The following RPTOR variants were observed in gnomAD, a reference collection of about 807,000 sequenced individuals.
RPTOR encodes the protein regulatory associated protein of MTOR complex 1.
Under a neutral mutation model 169.9 loss-of-function variants are expected in RPTOR, and 21 were observed. The observed-to-expected ratio is 0.12, with a 90% CI of 0.09 to 0.18. RPTOR has a LOEUF of 0.18. Among genes scored for constraint, RPTOR ranks in the 10% least tolerant of loss-of-function variants. The probability of loss-of-function intolerance (pLI) is 1.00; values close to 1 mark genes in which losing one functional copy is unlikely to be tolerated. For synonymous variants in RPTOR, 732 were observed against 753.2 expected, an observed-to-expected ratio of 0.97 and a Z score of 0.46; for missense variants, 1,133 against 1,855.9, an observed-to-expected ratio of 0.61 and a Z score of 7.16.
chr17:80,813,499 T>A (rs967346407), intron 7 of RPTOR, among the ~76,000 whole-genome samples: 1 of 152,216 alleles, frequency 6.6e-6, no homozygotes, highest in Non-Finnish European at 1.5e-5. Context: ...CTCATCACGC[T>A]TTTGCACCTG....
rs770429748 is a variant in RPTOR at position 80,822,294 on chromosome 17, C to G, written c.984C>G (p.Leu328=). ...AITDTIAWNV[L]PRDLFQKLFR... Reference sequence around the variant, plus strand: ...CAGACACCATCGCGTGGAACGTGCTCCCCCGGGGTGAGGCGCGGGCCGGGC... The same window carrying G: ...CAGACACCATCGCGTGGAACGTGCTGCCCCGGGGTGAGGCGCGGGCCGGGC... The change falls in exon 8 of 34, where the codon CTC becomes CTG. Residue 328 remains leucine, a synonymous_variant. Transcript: ENST00000306801. 3 of 1,613,972 alleles carry G rather than the reference C, an allele frequency of 1.9e-6. No homozygotes were observed. Among genetic ancestry groups the G allele is most frequent in the Non-Finnish European group, 2.5e-6 (3 of 1,179,904 alleles).
At chr17:80,766,087 G>A (rs1319901776) in intron 6 of RPTOR, among the ~76,000 whole-genome samples, 2 of 152,062 alleles carry the variant, frequency 1.3e-5, no homozygotes, top group East Asian at 3.9e-4. Flanking sequence ...ACGTGATCTT[G>A]CTTTGTCACC....
chr17:80,937,791 T>C (rs1342279625), intron 24 of RPTOR, among the ~76,000 whole-genome samples: 1 of 152,204 alleles, frequency 6.6e-6, no homozygotes, highest in African/African-American at 2.4e-5. Context: ...CACATCCTAG[T>C]TTCCCAGGGT....
intron 8 of RPTOR, among the ~76,000 whole-genome samples, chr17:80,822,693 ATGTGCACTGTG>A (rs982034553): frequency 2.0e-5 from 3 of 152,136 alleles, no homozygotes; most frequent in Admixed American, 6.5e-5. Context: ...ATGTACGTAT[ATGTGCACTGTG>A]TGTGTACATG....
chr17:80,566,015 G>A (rs906990142), intron 1 of RPTOR, among the ~76,000 whole-genome samples: 7 of 152,216 alleles, frequency 4.6e-5, no homozygotes, highest in African/African-American at 1.4e-4. Context: ...AACTTTGATG[G>A]ACTTGAAGAA....
At chr17:80,817,395 G>A (rs1479712142) in intron 7 of RPTOR, among the ~76,000 whole-genome samples, 2 of 152,046 alleles carry the variant, frequency 1.3e-5, no homozygotes, top group East Asian at 1.9e-4. Flanking sequence ...GCAGTGAGGC[G>A]GCCACCCCAT....
In RPTOR at chr17:80,695,222, C is replaced by A. The variant is rs966517967; in HGVS notation, c.349-12619C>A. Among the ~76,000 whole-genome samples, 1 of 152,154 alleles carries A rather than the reference C, an allele frequency of 6.6e-6. No individual in the cohort carries two copies. The highest frequency in any genetic ancestry group is 1.5e-5 in the Non-Finnish European group (1 of 68,032). ...AGAGGCTGCCCCGACCCGTGCTGTGCGGGTCACTCACCCCCACATTGTCTG... is the reference window on the plus strand; with the variant it reads ...AGAGGCTGCCCCGACCCGTGCTGTGAGGGTCACTCACCCCCACATTGTCTG... On this transcript the variant is annotated intron_variant, in intron 3 of 33. Transcript: ENST00000306801. This position sits in a 1 kb window ranked among gnomAD's most constrained non-coding sequence, Gnocchi z 4.9.
At chr17:80,567,950 C>T (rs1374515552) in intron 1 of RPTOR, among the ~76,000 whole-genome samples, 2 of 151,252 alleles carry the variant, frequency 1.3e-5, no homozygotes, top group African/African-American at 4.9e-5. Context: ...TCTGTTGCTT[C>T]GTCTGGAGTG....
intron 6 of RPTOR, among the ~76,000 whole-genome samples, chr17:80,778,907 G>A (rs942503036): frequency 7.2e-5 from 11 of 152,192 alleles, no homozygotes; most frequent in Admixed American, 3.3e-4. Context: ...TGGCCGCGGC[G>A]CCTGCGAATG....
At chr17:80,834,477 C>T (rs574569442) in intron 9 of RPTOR, among the ~76,000 whole-genome samples, 1 of 152,190 alleles carries the variant, frequency 6.6e-6, no homozygotes, top group South Asian at 2.1e-4. Context: ...TCCTGAGCCT[C>T]TGTGCATCAG....
intron 12 of RPTOR, 29 bp from the exon 13 acceptor site, chr17:80,857,761 G>A (rs1454507567): frequency 1.3e-6 from 2 of 1,551,144 alleles, no homozygotes; most frequent in South Asian, 1.1e-5. Context: ...CTGCGGCACA[G>A]GTGCGCTGAC....
At chr17:80,867,508 G>T (rs897257006) in intron 13 of RPTOR, among the ~76,000 whole-genome samples, 1 of 152,148 alleles carries the variant, frequency 6.6e-6, no homozygotes, top group Non-Finnish European at 1.5e-5. Flanking sequence ...CACATCCCTT[G>T]ACATTGTACT....
intron 1 of RPTOR, among the ~76,000 whole-genome samples, chr17:80,612,555 C>T (rs1260519324): frequency 1.3e-5 from 2 of 152,266 alleles, no homozygotes; most frequent in Non-Finnish European, 2.9e-5. Context: ...TTCTGATTTT[C>T]AGCCTTTGCT....
intron 1 of RPTOR, among the ~76,000 whole-genome samples, chr17:80,566,779 G>A (rs1474418740): frequency 2.4e-5 from 3 of 124,048 alleles, no homozygotes; most frequent in Non-Finnish European, 4.7e-5. Flanking sequence ...AGCCAAGACC[G>A]CGCCACTGCA....
intron 3 of RPTOR, among the ~76,000 whole-genome samples, chr17:80,663,561 A>G (rs2065740751): frequency 6.6e-6 from 1 of 152,176 alleles, no homozygotes; most frequent in Non-Finnish European, 1.5e-5. Context: ...CCCCTCAAAC[A>G]GTCCACATTC....
intron 11 of RPTOR, among the ~76,000 whole-genome samples, chr17:80,855,203 A>G (rs903686361): frequency 6.6e-6 from 1 of 152,264 alleles, no homozygotes; most frequent in African/African-American, 2.4e-5. Context: ...AGCTTTTTAA[A>G]TGCAATTAAA....
chr17:80,823,379 G>C lies in RPTOR; in HGVS notation c.1136+156G>C, dbSNP rs1598331165. On this transcript the variant is annotated intron_variant, in intron 9 of 33. Coordinates refer to ENST00000306801, the MANE Select transcript of RPTOR (RefSeq NM_020761.3). The surrounding 1 kb of genome is among the most constrained non-coding windows in gnomAD (Gnocchi z 4.5). ...TGAAGCTAAATGCAGGGCTCCCAGAGATCTCCACACAGAGGAGTGGGGGTC... is the reference window on the plus strand; with the variant it reads ...TGAAGCTAAATGCAGGGCTCCCAGACATCTCCACACAGAGGAGTGGGGGTC... 1.1e-6 allele frequency: 1 copy of C among 925,228 alleles called. No homozygotes were observed. Among genetic ancestry groups the C allele is most frequent in the South Asian group, 1.7e-5 (1 of 57,420 alleles). 57.3% of individuals were successfully genotyped at this position (925,228 alleles called of 1,614,324 possible). A position where few individuals can be genotyped will look rare whatever the true frequency, so the allele number is the denominator to read the frequency against.
At chr17:80,568,166 C>A (rs572208405) in intron 1 of RPTOR, among the ~76,000 whole-genome samples, 1 of 152,276 alleles carries the variant, frequency 6.6e-6, no homozygotes, top group South Asian at 2.1e-4. Context: ...GCCTCAGCCT[C>A]CCAAAGTGTT....
chr17:80,597,284 T>C (rs1418130684), intron 1 of RPTOR, among the ~76,000 whole-genome samples: 1 of 152,004 alleles, frequency 6.6e-6, no homozygotes, highest in East Asian at 1.9e-4. Flanking sequence ...ATGCGGAGTT[T>C]AGGGAGGGTG....
Sources: allele counts gnomAD v4.1 joint callset (sites outside exome capture counted in the v4.1 genomes callset), GRCh38; gene constraint gnomAD v4.1.1; non-coding constraint Gnocchi (gnomAD v3.1); transcripts MANE v1.5; gene names NCBI Gene and HGNC (gene_info 2026-07-23, HGNC 2026-07-21).